The following JARID2 variants were observed in gnomAD, a reference collection of about 807,000 sequenced individuals.
JARID2 encodes jumonji and AT-rich interaction domain containing 2, also known as protein Jumonji.
In JARID2, 21 loss-of-function variants were observed where a neutral mutation model predicts 125.6. That is an observed-to-expected ratio of 0.17 (90% CI 0.12 to 0.24). JARID2 has a LOEUF of 0.24. Ranked by LOEUF, JARID2 falls within the 10% of genes least tolerant of loss-of-function variation. The pLI is 1.00. For missense variants in JARID2, 1,303 were observed against 1,639.6 expected (o/e 0.79, Z 3.55); for synonymous variants, 736 against 661.6 (o/e 1.11, Z -1.73).
At position 15,496,835 on chromosome 6, in the gene JARID2, AGGACTC is replaced by A; in HGVS notation, c.1613_1618del (p.Asp538_Ser539del). 1 of 1,603,390 alleles carries A rather than the reference AGGACTC, an allele frequency of 6.2e-7. No homozygotes were observed. Among genetic ancestry groups the A allele is most frequent in the Non-Finnish European group, 8.5e-7 (1 of 1,173,162 alleles). On this transcript the variant is annotated inframe_deletion, in exon 7 of 18. Transcript: ENST00000341776. ...CAACCGGAGTCCGTGCACAAGCCGCAGGACTCGGGCAAGGCCGAGAAGGGCGGCGGC... is the reference window on the plus strand; with the variant it reads ...CAACCGGAGTCCGTGCACAAGCCGCAGGGCAAGGCCGAGAAGGGCGGCGGC...
rs773469801 is a variant in JARID2, at chr6:15,513,272, C to T, written c.3300C>T (p.Phe1100=). Residue 1100 remains phenylalanine, a synonymous_variant, in exon 16 of 18, where the codon TTC becomes TTT. Transcript: ENST00000341776. ...AGCTGCGGCAGCGCAGGCAGCTGTT[C>T]GAGGCTGGCCTCCACTCCTCCGCAC... The part of the protein sequence containing the change: ...DTELRQRRQL[F]EAGLHSSARY... 63 of 1,579,988 alleles carry T rather than the reference C, an allele frequency of 4.0e-5. No individual in the cohort carries two copies. The highest frequency in any genetic ancestry group is 4.7e-5 in the Non-Finnish European group (55 of 1,162,658).
At chr6:15,368,682 C>G in intron 1 of JARID2, 1 of 496,816 alleles carries the variant, frequency 2.0e-6, no homozygotes, top group Non-Finnish European at 4.0e-6. Context: ...TGGGTGTTTT[C>G]CGCTGTGCTC....
intron 1 of JARID2, among the ~76,000 whole-genome samples, chr6:15,316,368 C>A (rs535113139): frequency 6.6e-6 from 1 of 152,164 alleles, no homozygotes; most frequent in African/African-American, 2.4e-5. Flanking sequence ...AGCCACCATA[C>A]CCGGCCAGAT....
At chr6:15,519,250 C>G (rs372979085) in intron 17 of JARID2, among the ~76,000 whole-genome samples, 20 of 152,238 alleles carry the variant, frequency 1.3e-4, no homozygotes, top group African/African-American at 4.6e-4. Context: ...TATCCTTTAT[C>G]AGTGTTTATC....
chr6:15,363,794 C>A (rs543946913), intron 1 of JARID2, among the ~76,000 whole-genome samples: 1 of 152,280 alleles, frequency 6.6e-6, no homozygotes, highest in Non-Finnish European at 1.5e-5. Flanking sequence ...GGAAAATGTG[C>A]ATCAGAATGG....
chr6:15,497,292 G>A (rs373641396), intron 7 of JARID2, 122 bp downstream of exon 7: 3 of 749,686 alleles, frequency 4.0e-6, no homozygotes, highest in African/African-American at 3.5e-5. Context: ...TCCCTGTCTC[G>A]GGAGTAGTGG....
chr6:15,391,694 T>G (rs1002420978), intron 2 of JARID2, among the ~76,000 whole-genome samples: 4 of 152,222 alleles, frequency 2.6e-5, no homozygotes, highest in African/African-American at 9.6e-5. Flanking sequence ...TTTGATATGT[T>G]GGAATGGGCA....
intron 1 of JARID2, among the ~76,000 whole-genome samples, chr6:15,353,085 C>G (rs976666954): frequency 6.6e-6 from 1 of 152,124 alleles, no homozygotes; most frequent in African/African-American, 2.4e-5. Flanking sequence ...ATTTCTGGGT[C>G]ACATGGCAAC....
At position 15,314,468 on chromosome 6, in the gene JARID2, C is replaced by T. The variant is rs12210280; in HGVS notation, c.46-59649C>T. Among the ~76,000 whole-genome samples the T allele has an allele frequency of 7.6e-3, 1,162 of 152,250 alleles. 11 individuals carry two copies. Among genetic ancestry groups the T allele is most frequent in the Non-Finnish European group, 0.011 (723 of 68,032 alleles). On this transcript the variant is annotated intron_variant, in intron 1 of 17. Transcript: ENST00000341776. Reference sequence around the variant, plus strand: ...GTTAAAATAATGAATAATAAGTAAACGGCATTTTGAAAGTTGCTGTCATTC... The same window carrying T: ...GTTAAAATAATGAATAATAAGTAAATGGCATTTTGAAAGTTGCTGTCATTC...
Position 15,513,312 on chromosome 6 carries a change from G to C in JARID2, c.3340G>C (p.Asp1114His), listed in dbSNP as rs779627462. 1 of 1,608,732 alleles carries C rather than the reference G, an allele frequency of 6.2e-7. No individual in the cohort carries two copies. Among genetic ancestry groups the C allele is most frequent in the Non-Finnish European group, 8.5e-7 (1 of 1,178,096 alleles). Residue 1114 changes from aspartate (D) to histidine (H), a missense_variant, in exon 16 of 18, where the codon GAT (aspartate) becomes CAT (histidine). Asp to His is a moderately conservative substitution (Grantham distance 81). Coordinates refer to ENST00000341776, the MANE Select transcript of JARID2 (RefSeq NM_004973.4). ...CTCCTCCGCACGCTATGGCAGCCAC[G>C]ATGGCAGCAGCACGGTGGCGGACGG... Reference protein sequence around the residue: ...LHSSARYGSHDGSSTVADGKK... With the variant: ...LHSSARYGSHHGSSTVADGKK...
At chr6:15,411,731 A>G (rs936328346) in intron 3 of JARID2, among the ~76,000 whole-genome samples, 1 of 152,240 alleles carries the variant, frequency 6.6e-6, no homozygotes, top group African/African-American at 2.4e-5. Flanking sequence ...CATGCCTCCA[A>G]CATGGGCATC....
At chr6:15,423,960 G>C (rs1332663689) in intron 3 of JARID2, among the ~76,000 whole-genome samples, 2 of 151,968 alleles carry the variant, frequency 1.3e-5, no homozygotes, top group Non-Finnish European at 2.9e-5. Flanking sequence ...GGGTCTTTTT[G>C]TTAACCTCTG....
At chr6:15,339,345 C>G (rs2127466111) in intron 1 of JARID2, among the ~76,000 whole-genome samples, 1 of 152,230 alleles carries the variant, frequency 6.6e-6, no homozygotes, top group South Asian at 2.1e-4. Flanking sequence ...ATATATTACT[C>G]AGGCAGCCCC....
intron 4 of JARID2, among the ~76,000 whole-genome samples, chr6:15,460,632 A>G (rs976324754): frequency 2.6e-5 from 4 of 152,350 alleles, no homozygotes; most frequent in Non-Finnish European, 5.9e-5. Context: ...AAGGCCTCAC[A>G]TGATTCGCAC....
At position 15,511,345 on chromosome 6, in the gene JARID2, A is replaced by G. The variant is rs768821228; in HGVS notation, c.2896A>G (p.Thr966Ala). The part of the protein sequence containing the change: ...EENKLEDVVH[T>A]LLQANGTPGL... Reference sequence around the variant, plus strand: ...GAACAAGCTGGAAGATGTGGTCCACACCCTGCTGCAAGCCAATGGCACCCC... The same window carrying G: ...GAACAAGCTGGAAGATGTGGTCCACGCCCTGCTGCAAGCCAATGGCACCCC... The change falls in exon 13 of 18, where the codon ACC becomes GCC. Residue 966 changes from threonine to alanine, a missense_variant. Physicochemically the swap from Thr to Ala is moderately conservative, Grantham distance 58. Coordinates refer to ENST00000341776, the MANE Select transcript of JARID2 (RefSeq NM_004973.4). 6.8e-6 allele frequency: 11 copies of G among 1,613,762 alleles called. No individual in the cohort carries two copies. Among genetic ancestry groups the G allele is most frequent in the Non-Finnish European group, 8.5e-6 (10 of 1,180,006 alleles).
chr6:15,396,568 A>G lies in JARID2; in HGVS notation c.182-13656A>G, dbSNP rs148190818. Among the ~76,000 whole-genome samples, 606 of 152,284 alleles carry G rather than the reference A, an allele frequency of 4.0e-3. 4 individuals carry two copies. The highest frequency in any genetic ancestry group is 0.024 in the Middle Eastern group (7 of 294). ...TCCGTGTATGCCTGAAACTGTCGCTATTACCAAACCCTGTATATACTGTGT... is the reference window on the plus strand; with the variant it reads ...TCCGTGTATGCCTGAAACTGTCGCTGTTACCAAACCCTGTATATACTGTGT... On this transcript the variant is annotated intron_variant, in intron 2 of 17. Coordinates refer to ENST00000341776, the MANE Select transcript of JARID2 (RefSeq NM_004973.4).
intron 3 of JARID2, among the ~76,000 whole-genome samples, chr6:15,445,806 G>A (rs2237141): frequency 0.39 from 59,587 of 152,100 alleles, 11,953 homozygotes; most frequent in East Asian, 0.55. Context: ...ATGATGGTGA[G>A]AATGGGCAAG....
At chr6:15,467,255 C>T (rs1449313640) in intron 4 of JARID2, among the ~76,000 whole-genome samples, 1 of 152,172 alleles carries the variant, frequency 6.6e-6, no homozygotes, top group Non-Finnish European at 1.5e-5. Flanking sequence ...ATGGTTTTAA[C>T]TGTGTGTTTA....
At chr6:15,345,415 G>C (rs904069651) in intron 1 of JARID2, among the ~76,000 whole-genome samples, 8 of 152,122 alleles carry the variant, frequency 5.3e-5, no homozygotes, top group African/African-American at 1.9e-4. Context: ...TAATTTATTT[G>C]TCCTCTAATT....
Sources: allele counts gnomAD v4.1 joint callset (sites outside exome capture counted in the v4.1 genomes callset), GRCh38; gene constraint gnomAD v4.1.1; transcripts MANE v1.5; gene names NCBI Gene and HGNC (gene_info 2026-07-23, HGNC 2026-07-21).